HCN1: variants seen among roughly 807,000 people sequenced by gnomAD.
The protein encoded by HCN1 is hyperpolarization activated cyclic nucleotide gated potassium channel 1, also known as potassium/sodium hyperpolarization-activated cyclic nucleotide-gated channel 1.
In HCN1, 13 loss-of-function variants were observed where a neutral mutation model predicts 78.9. The ratio of observed to expected loss-of-function variants is 0.16; its 90% CI spans 0.11 to 0.26. The LOEUF (loss-of-function observed/expected upper bound fraction) is 0.26, where lower values mean the gene tolerates loss of function less well. Ranked by LOEUF, HCN1 falls within the 10% of genes least tolerant of loss-of-function variation. The pLI, the probability that HCN1 is intolerant of heterozygous loss-of-function variation, is 1.00. For synonymous variants in HCN1, 552 were observed against 455.5 expected (o/e 1.21, Z -2.70); for missense variants, 810 against 1,154.3 (o/e 0.70, Z 4.32).
chr5:45,655,129 T>G lies in HCN1; in HGVS notation c.426-9521A>C, dbSNP rs185353301. On this transcript the variant is annotated intron_variant, in intron 1 of 7. Coordinates refer to ENST00000303230, the MANE Select transcript of HCN1 (RefSeq NM_021072.4). ...CCCTTCAGTCTTTAAAATGTTCACG[T>G]TTTATGGAAGCTTTGGAATGTGTTA... Among the ~76,000 whole-genome samples, 388 of 152,230 alleles carry G rather than the reference T, an allele frequency of 2.5e-3. 1 individual carries two copies. The highest frequency in any genetic ancestry group is 0.01 in the Middle Eastern group (3 of 294).
chr5:45,555,313 T>C lies in HCN1; in HGVS notation c.849+89872A>G, dbSNP rs139576821. Among the ~76,000 whole-genome samples the C allele has an allele frequency of 5.2e-3, 787 of 151,794 alleles. 10 individuals are homozygous for C. The highest frequency in any genetic ancestry group is 0.017 in the African/African-American group (701 of 41,470). On this transcript the variant is annotated intron_variant, in intron 2 of 7. Transcript: ENST00000303230. ...TACACTTGCTACAAATAAAATACAATACTTAGGAACAAATTTAACCAAAGA... is the reference window on the plus strand; with the variant it reads ...TACACTTGCTACAAATAAAATACAACACTTAGGAACAAATTTAACCAAAGA...
chr5:45,326,648 A>T (rs957100141), intron 5 of HCN1, among the ~76,000 whole-genome samples: 1 of 151,690 alleles, frequency 6.6e-6, no homozygotes, highest in Non-Finnish European at 1.5e-5. Context: ...TAAAATAAAA[A>T]ATTATTACTA....
intron 1 of HCN1, chr5:45,695,227 C>T (rs752012678): frequency 3.7e-5 from 7 of 187,402 alleles, no homozygotes; most frequent in Non-Finnish European, 7.6e-5. Flanking sequence ...TCTCCGGTTA[C>T]CCAGTCTTCT....
chr5:45,570,177 T>A (rs968202964), intron 2 of HCN1, among the ~76,000 whole-genome samples: 1 of 152,130 alleles, frequency 6.6e-6, no homozygotes, highest in Non-Finnish European at 1.5e-5. Flanking sequence ...AATCTGATAT[T>A]CTCTTTCTTC....
chr5:45,304,542 G>T (rs562295284), intron 5 of HCN1, among the ~76,000 whole-genome samples: 111 of 152,176 alleles, frequency 7.3e-4, no homozygotes, highest in Middle Eastern at 3.4e-3. Context: ...TGGGTGTGCT[G>T]GTGGGTGCCT....
intron 2 of HCN1, among the ~76,000 whole-genome samples, chr5:45,488,226 A>AT: frequency 6.6e-6 from 1 of 152,138 alleles, no homozygotes; most frequent in East Asian, 1.9e-4. Flanking sequence ...GCTTCTTTTA[A>AT]TTTTTTACAT....
At chr5:45,548,527 C>T (rs1053825037) in intron 2 of HCN1, among the ~76,000 whole-genome samples, 1 of 152,100 alleles carries the variant, frequency 6.6e-6, no homozygotes, top group African/African-American at 2.4e-5. Flanking sequence ...GACAAACCCA[C>T]AGCCAATATC....
At chr5:45,374,630 T>C (rs1281166122) in intron 4 of HCN1, among the ~76,000 whole-genome samples, 1 of 150,634 alleles carries the variant, frequency 6.6e-6, no homozygotes, top group African/African-American at 2.4e-5. Flanking sequence ...GAGGGACTCC[T>C]TCCTAACTCA....
At chr5:45,555,166 A>T (rs571542129) in intron 2 of HCN1, among the ~76,000 whole-genome samples, 1 of 151,986 alleles carries the variant, frequency 6.6e-6, no homozygotes, top group South Asian at 2.1e-4. Context: ...CCACCAAAAA[A>T]CTAGCAGAAC....
chr5:45,328,059 C>G (rs1038586495), intron 5 of HCN1, among the ~76,000 whole-genome samples: 4 of 151,650 alleles, frequency 2.6e-5, no homozygotes, highest in Admixed American at 6.6e-5. Context: ...TGTATCAGTA[C>G]AGTAGTCCCC....
At chr5:45,304,003 G>A (rs910384306) in intron 5 of HCN1, among the ~76,000 whole-genome samples, 164 bp from the exon 6 acceptor site, 1 of 152,030 alleles carries the variant, frequency 6.6e-6, no homozygotes, top group African/African-American at 2.4e-5. Flanking sequence ...TCAGGATTAT[G>A]TTTTATTTTT....
At chr5:45,328,657 A>C (rs1233861068) in intron 5 of HCN1, among the ~76,000 whole-genome samples, 1 of 151,630 alleles carries the variant, frequency 6.6e-6, no homozygotes, top group Non-Finnish European at 1.5e-5. Context: ...TCATCCCACT[A>C]TTTAGAATGG....
At chr5:45,374,879 T>C (rs1368151660) in intron 4 of HCN1, among the ~76,000 whole-genome samples, 17 of 144,664 alleles carry the variant, frequency 1.2e-4, no homozygotes, top group Admixed American at 7.4e-4. Flanking sequence ...GGTTCATGGG[T>C]ATATATATAG....
intron 5 of HCN1, among the ~76,000 whole-genome samples, chr5:45,332,326 G>A (rs1352717907): frequency 6.6e-6 from 1 of 151,368 alleles, no homozygotes; most frequent in East Asian, 1.9e-4. Context: ...TATCCTTCAT[G>A]TTACAAACAA....
At chr5:45,293,212 C>T (rs764387326) in intron 6 of HCN1, among the ~76,000 whole-genome samples, 3 of 152,034 alleles carry the variant, frequency 2.0e-5, no homozygotes, top group Admixed American at 1.3e-4. Flanking sequence ...ACACTGACAT[C>T]AACAGTGTAA....
chr5:45,296,227 AGAGTT>A (rs1351356803), intron 6 of HCN1, among the ~76,000 whole-genome samples: 1 of 152,026 alleles, frequency 6.6e-6, no homozygotes, highest in Non-Finnish European at 1.5e-5. Flanking sequence ...ACATTTATCA[AGAGTT>A]AGGGCTATAA....
At chr5:45,568,507 T>A (rs1428294929) in intron 2 of HCN1, among the ~76,000 whole-genome samples, 3 of 152,156 alleles carry the variant, frequency 2.0e-5, no homozygotes, top group Non-Finnish European at 4.4e-5. Flanking sequence ...TAACAGTGTT[T>A]AACTCAGTTA....
intron 3 of HCN1, among the ~76,000 whole-genome samples, chr5:45,457,787 G>C (rs895743935): frequency 3.3e-5 from 5 of 152,130 alleles, no homozygotes; most frequent in Admixed American, 2.6e-4. Context: ...ACATGTGAAA[G>C]AGAGCTGGAG....
At chr5:45,318,909 C>A (rs1033611605) in intron 5 of HCN1, among the ~76,000 whole-genome samples, 7 of 151,970 alleles carry the variant, frequency 4.6e-5, no homozygotes, top group Admixed American at 3.3e-4. Flanking sequence ...CAGAGCAGGT[C>A]TTCTTGTTCT....
Sources: gnomAD v4.1 joint callset for allele counts (sites outside exome capture counted in the v4.1 genomes callset) on GRCh38, gnomAD v4.1.1 for gene constraint, MANE v1.5 for transcripts, NCBI Gene and HGNC (gene_info 2026-07-23, HGNC 2026-07-21) for gene names.